Variants in DMD observed in about 807,000 individuals in gnomAD.
The protein encoded by DMD is dystrophin, also known as mutant dystrophin.
Under a neutral mutation model 330.1 loss-of-function variants are expected in DMD, and 63 were observed. The observed-to-expected ratio is 0.19, with a 90% CI of 0.16 to 0.24. The LOEUF is 0.24. Among genes scored for constraint, DMD ranks in the 10% least tolerant of loss-of-function variants. The pLI, the probability that DMD is intolerant of heterozygous loss-of-function variation, is 1.00. For missense variants in DMD, 3,344 were observed against 2,684.1 expected (o/e 1.25, Z -5.43); for synonymous variants, 1,223 against 959.8 (o/e 1.27, Z -5.07).
At chrX:31,364,052 T>C (rs905331648) in intron 60 of DMD, among the ~76,000 whole-genome samples, 2 of 112,970 alleles carry the variant, frequency 1.8e-5, no homozygotes, top group African/African-American at 6.4e-5. Context: ...TATTGTCAGA[T>C]CTGCCCAATT....
chrX:33,142,561 T>C (rs988129784), intron 1 of DMD, among the ~76,000 whole-genome samples: 1 of 112,238 alleles, frequency 8.9e-6, no homozygotes, highest in Non-Finnish European at 1.9e-5. Context: ...GACTAATTCT[T>C]GGGCACCTCC....
chrX:31,999,468 C>G (rs181843201), intron 44 of DMD, among the ~76,000 whole-genome samples: 47 of 111,726 alleles, frequency 4.2e-4, no homozygotes, highest in Admixed American at 5.7e-4. Context: ...CACTGGATGA[C>G]CACTGGCTTC....
At chrX:32,940,826 C>T (rs955909532) in intron 2 of DMD, among the ~76,000 whole-genome samples, 1 of 111,613 alleles carries the variant, frequency 9.0e-6, no homozygotes, top group Admixed American at 9.5e-5. Context: ...AACTAAAAAG[C>T]TTCTGCACAG....
chrX:32,990,793 G>A (rs924644031), intron 2 of DMD, among the ~76,000 whole-genome samples: 3 of 111,340 alleles, frequency 2.7e-5, no homozygotes, highest in Non-Finnish European at 5.7e-5. Context: ...GTTTGAAAGC[G>A]TACCAAAAAG....
chrX:32,517,884 C>A, intron 18 of DMD, 124 bp downstream of exon 18: 6 of 777,054 alleles, frequency 7.7e-6, no homozygotes, highest in Non-Finnish European at 1.2e-5. Context: ...ATTTTTAAGA[C>A]ATATTAAACA....
At chrX:32,156,017 C>CACACA in intron 44 of DMD, among the ~76,000 whole-genome samples, 2 of 100,228 alleles carry the variant, frequency 2.0e-5, no homozygotes, top group African/African-American at 7.4e-5. Context: ...CACACACACA[C>CACACA]CTGTATAGCT....
intron 9 of DMD, among the ~76,000 whole-genome samples, chrX:32,655,409 C>CA (rs1444944669): frequency 1.8e-5 from 2 of 112,315 alleles, no homozygotes; most frequent in Non-Finnish European, 3.8e-5. Context: ...AGTAGTCATT[C>CA]AGCAGCAGGT....
intron 1 of DMD, among the ~76,000 whole-genome samples, chrX:33,076,408 C>T (rs1238897433): frequency 9.0e-6 from 1 of 110,711 alleles, no homozygotes; most frequent in Non-Finnish European, 1.9e-5. Context: ...AACCTGATGG[C>T]AATTGCAGTA....
At chrX:32,192,329 A>G (rs1342958634) in intron 44 of DMD, among the ~76,000 whole-genome samples, 1 of 111,707 alleles carries the variant, frequency 9.0e-6, no homozygotes, top group Non-Finnish European at 1.9e-5. Flanking sequence ...ACATCTAGTT[A>G]AGGGGAGAAG....
chrX:32,816,413 CAG>C, intron 6 of DMD, 53 bp downstream of exon 6: 1 of 1,172,920 alleles, frequency 8.5e-7, no homozygotes, highest in Non-Finnish European at 1.2e-6. Context: ...AATATGTCAT[CAG>C]AGTCTAAATC....
At chrX:31,986,014 G>T (rs1347406988) in intron 44 of DMD, among the ~76,000 whole-genome samples, 2 of 111,428 alleles carry the variant, frequency 1.8e-5, no homozygotes, top group Non-Finnish European at 3.8e-5. Flanking sequence ...TATATGCCTG[G>T]ATATAAAGAA....
chrX:32,294,148 C>T (rs1036185867), intron 42 of DMD, among the ~76,000 whole-genome samples: 4 of 112,018 alleles, frequency 3.6e-5, no homozygotes, highest in Non-Finnish European at 7.5e-5. Context: ...AAGTCACTGT[C>T]TCCATCATTC....
At chrX:32,861,496 G>T (rs2082070159) in intron 2 of DMD, among the ~76,000 whole-genome samples, 1 of 111,660 alleles carries the variant, frequency 9.0e-6, no homozygotes, top group Non-Finnish European at 1.9e-5. Context: ...GGTAATCTGA[G>T]AAGAGTTTAA....
At chrX:32,903,779 C>T (rs1234298127) in intron 2 of DMD, among the ~76,000 whole-genome samples, 1 of 111,507 alleles carries the variant, frequency 9.0e-6, no homozygotes, top group Non-Finnish European at 1.9e-5. Flanking sequence ...GAAAGAAGAC[C>T]TGAAGATCTA....
chrX:32,342,331 C>G, intron 40 of DMD, 49 bp from the exon 41 acceptor site: 3 of 1,167,860 alleles, frequency 2.6e-6, no homozygotes, highest in Non-Finnish European at 3.5e-6. Context: ...CTAACCACAT[C>G]AACCGACTTG....
At chrX:32,500,905 G>GCAGAT (rs1179851915) in intron 19 of DMD, among the ~76,000 whole-genome samples, 4 of 111,898 alleles carry the variant, frequency 3.6e-5, no homozygotes. Flanking sequence ...CAAAATGCAG[G>GCAGAT]CAGATTCTGA....
At chrX:33,092,356 C>A (rs2095096848) in intron 1 of DMD, among the ~76,000 whole-genome samples, 1 of 111,910 alleles carries the variant, frequency 8.9e-6, no homozygotes, top group South Asian at 3.7e-4. Context: ...TTACTATTTT[C>A]TTTAGGTTTT....
chrX:32,011,661 C>G (rs931792158), intron 44 of DMD, among the ~76,000 whole-genome samples: 2 of 111,532 alleles, frequency 1.8e-5, no homozygotes, highest in Non-Finnish European at 3.8e-5. Context: ...CCGAACAGGA[C>G]AGGCCCCACC....
chrX:32,225,272 A>G (rs1302904907), intron 43 of DMD, among the ~76,000 whole-genome samples: 1 of 111,972 alleles, frequency 8.9e-6, no homozygotes, highest in Non-Finnish European at 1.9e-5. Context: ...AAAAAAAGGT[A>G]TACATGGAGC....
Sources: gnomAD v4.1 joint callset for allele counts (sites outside exome capture counted in the v4.1 genomes callset) on GRCh38, gnomAD v4.1.1 for gene constraint, MANE v1.5 for transcripts, NCBI Gene and HGNC (gene_info 2026-07-23, HGNC 2026-07-21) for gene names.